The following TBC1D9 variants were observed in gnomAD, a reference collection of about 807,000 sequenced individuals.
TBC1D9 encodes TBC1 domain family member 9.
In TBC1D9, 63 loss-of-function variants were observed where a neutral mutation model predicts 132.0. That is an observed-to-expected ratio of 0.48 (90% CI 0.39 to 0.59). TBC1D9 has a LOEUF of 0.59. Among genes scored for constraint, TBC1D9 ranks in the 20% least tolerant of loss-of-function variants. TBC1D9 has a pLI of 0.00. For missense variants in TBC1D9, 1,261 were observed against 1,592.7 expected (o/e 0.79, Z 3.54); for synonymous variants, 610 against 609.9 (o/e 1.00, Z 0.00).
chr4:140,738,926 A>G (rs1279510333), intron 1 of TBC1D9, among the ~76,000 whole-genome samples: 3 of 152,226 alleles, frequency 2.0e-5, no homozygotes, highest in South Asian at 4.1e-4. Context: ...ACAATGGCCA[A>G]TGACATCAAA....
At position 140,624,182 on chromosome 4, in the gene TBC1D9, C is replaced by G. The variant is rs1341201122; in HGVS notation, c.3012G>C (p.Leu1004Phe). ...RANSQENRNY[L>F]RLWTPENKSK... is the part of the protein sequence containing the mutation. ...ATTTATTTTCTGGAGTCCACAGTCT[C>G]AAATAATTACGATTTTCTTGGGAAT... Residue 1004 changes from leucine (L) to phenylalanine (F), a missense_variant, in exon 20 of 21, where the codon TTG becomes TTC. Physicochemically the swap from Leu to Phe is conservative, Grantham distance 22. Transcript: ENST00000442267. 6.2e-7 allele frequency: 1 copy of G among 1,612,140 alleles called. No individual in the cohort carries two copies. Among genetic ancestry groups the G allele is most frequent in the East Asian group, 2.2e-5 (1 of 44,852 alleles).
intron 2 of TBC1D9, among the ~76,000 whole-genome samples, chr4:140,696,294 T>TA (rs1233084856): frequency 7.9e-5 from 12 of 150,970 alleles, no homozygotes; most frequent in Non-Finnish European, 1.6e-4. Context: ...CCGTCTCTAC[T>TA]AAAAAAACAA....
At chr4:140,654,743 G>A (rs1391899627) in intron 13 of TBC1D9, among the ~76,000 whole-genome samples, 1 of 152,082 alleles carries the variant, frequency 6.6e-6, no homozygotes, top group Non-Finnish European at 1.5e-5. Flanking sequence ...TCCAATAGTG[G>A]AAACATAAAT....
rs760722433 is a variant in TBC1D9, at chr4:140,624,253, A to C, written c.2975-34T>G. On this transcript the variant is annotated intron_variant, in intron 19 of 20. Coordinates refer to ENST00000442267, the MANE Select transcript of TBC1D9 (RefSeq NM_015130.3). Reference sequence around the variant, plus strand: ...CAAATGTCAAGAAATAAGTGCTTACAGGCCAAAAAACAAGTGTACAACCAG... The same window carrying C: ...CAAATGTCAAGAAATAAGTGCTTACCGGCCAAAAAACAAGTGTACAACCAG... The C allele has an allele frequency of 8.7e-6, 14 of 1,610,494 alleles. No individual in the cohort carries two copies. The East Asian group carries it at 1.1e-4, about 13-fold the overall frequency.
intron 13 of TBC1D9, among the ~76,000 whole-genome samples, chr4:140,652,130 A>T (rs1472048395): frequency 6.6e-6 from 1 of 151,864 alleles, no homozygotes; most frequent in Non-Finnish European, 1.5e-5. Context: ...AGTTTCAGCT[A>T]CTTGGGAGGC....
At chr4:140,688,673 G>A (rs565777804) in intron 2 of TBC1D9, among the ~76,000 whole-genome samples, 1 of 152,030 alleles carries the variant, frequency 6.6e-6, no homozygotes, top group African/African-American at 2.4e-5. Context: ...TGTGGAGAGA[G>A]AGAGACTCCA....
intron 13 of TBC1D9, among the ~76,000 whole-genome samples, chr4:140,646,388 G>T (rs1201962445): frequency 6.6e-6 from 1 of 152,138 alleles, no homozygotes; most frequent in African/African-American, 2.4e-5. Context: ...TAACTGGCTA[G>T]GGATGCCAGA....
intron 13 of TBC1D9, among the ~76,000 whole-genome samples, chr4:140,645,696 C>T (rs373792197): frequency 1.3e-5 from 2 of 152,340 alleles, no homozygotes; most frequent in Admixed American, 6.5e-5. Flanking sequence ...CCTTCATGCT[C>T]TTTCCACCTT....
At chr4:140,668,773 A>G in intron 9 of TBC1D9, 144 bp downstream of exon 9, 1 of 852,994 alleles carries the variant, frequency 1.2e-6, no homozygotes, top group Non-Finnish European at 1.7e-6. Context: ...GAACTTCAAT[A>G]CTCTGGTGAG....
In TBC1D9 at chr4:140,621,807, A is replaced by T. The variant is rs2110958799; in HGVS notation, c.*388T>A. On this transcript the variant is annotated 3_prime_UTR_variant, in exon 21 of 21. Transcript: ENST00000442267. ...TTTCCTTACAGCTCTAATTTTATTT[A>T]AAAAGCCTGAATACACAAATGACTG... The T allele has an allele frequency of 6.3e-6, 1 of 157,818 alleles. No individual in the cohort carries two copies. Among genetic ancestry groups the T allele is most frequent in the African/African-American group, 2.4e-5 (1 of 41,804 alleles). 9.8% of individuals were successfully genotyped at this position (157,818 alleles called of 1,614,324 possible).
chr4:140,693,097 A>C (rs530089046), intron 2 of TBC1D9, among the ~76,000 whole-genome samples: 1 of 151,836 alleles, frequency 6.6e-6, no homozygotes, highest in African/African-American at 2.4e-5. Flanking sequence ...TCTGAAGTCT[A>C]TATATATGTA....
At chr4:140,662,148 G>T (rs1737371683) in intron 9 of TBC1D9, 41 bp from the exon 10 acceptor site, 1 of 1,534,864 alleles carries the variant, frequency 6.5e-7, no homozygotes, top group Non-Finnish European at 9.0e-7. Context: ...AAACGTGAGA[G>T]CTCTGCCTTT....
At chr4:140,643,538 G>A (rs1020581761) in intron 13 of TBC1D9, 3 of 875,104 alleles carry the variant, frequency 3.4e-6, no homozygotes, top group East Asian at 2.6e-5. Context: ...CGGCGGGCAC[G>A]TCACAGTCTG....
chr4:140,683,040 C>A lies in TBC1D9; in HGVS notation c.361-3197G>T, dbSNP rs570703935. 2.6e-5 allele frequency among the ~76,000 whole-genome samples: 4 copies of A among 152,188 alleles called. No homozygotes were observed. In the East Asian group the frequency reaches 5.8e-4, roughly 22 times the overall value. On this transcript the variant is annotated intron_variant, in intron 3 of 20. Transcript: ENST00000442267. ...TAGCTGGGATTACAGGCATGCACCA[C>A]CACGCCTGGCTAATTTTTTTGTATT... is the stretch of plus-strand genomic sequence containing the variant.
rs1282336448 is a variant in TBC1D9 at position 140,622,516 on chromosome 4, G to A, written c.3480C>T (p.Ser1160=). 4.3e-6 allele frequency: 7 copies of A among 1,613,942 alleles called. No homozygotes were observed. In the South Asian group the frequency reaches 5.5e-5, roughly 13 times the overall value. The change falls in exon 21 of 21, where the codon AGC becomes AGT. Residue 1160 remains serine (S), a synonymous_variant. Coordinates refer to ENST00000442267, the MANE Select transcript of TBC1D9 (RefSeq NM_015130.3). ...TCAGCACCGAGTATGAGGACATGGA[G>A]CTGTCGTCCTTGGTGTCGTCGTCAG... ...LISDDDTKDD[S]SMSSYSVLSA...
intron 2 of TBC1D9, among the ~76,000 whole-genome samples, chr4:140,687,136 G>A (rs2111025525): frequency 6.6e-6 from 1 of 151,606 alleles, no homozygotes; most frequent in Admixed American, 6.6e-5. Context: ...TAAACAATCA[G>A]CTTTATAGTA....
rs1362904155 is a variant in TBC1D9 at position 140,639,327 on chromosome 4, T to C, written c.2436+3A>G. On this transcript the variant is annotated splice_donor_region_variant and intron_variant, in intron 14 of 20. Transcript: ENST00000442267. ...GTTGCCTGCTACTTCTTAAAGGACT[T>C]ACCACGTTGCGTTTCGTAGTATCCT... is the stretch of plus-strand genomic sequence containing the variant. 5.6e-6 allele frequency: 9 copies of C among 1,607,312 alleles called. No homozygotes were observed. In the Admixed American group the frequency reaches 1.5e-4, roughly 27 times the overall value.
chr4:140,622,326 G>C lies in TBC1D9; in HGVS notation c.3670C>G (p.Pro1224Ala), dbSNP rs747905504. The change falls in exon 21 of 21, where the codon CCT (proline) becomes GCT (alanine). Residue 1224 changes from proline to alanine, a missense_variant. Transcript: ENST00000442267. The part of the protein sequence containing the change: ...EQFLASLLTE[P>A]ALVKYFDKPV... ...TTGTCAAAGTACTTGACCAGGGCAG[G>C]CTCAGTTAAGAGGGAGGCCAGGAAC... 3.7e-6 allele frequency: 6 copies of C among 1,613,794 alleles called. No homozygotes were observed. The highest frequency in any genetic ancestry group is 3.3e-4 in the Middle Eastern group (2 of 6,060).
intron 9 of TBC1D9, among the ~76,000 whole-genome samples, chr4:140,662,344 T>C (rs955021686): frequency 3.3e-5 from 5 of 152,034 alleles, no homozygotes; most frequent in Non-Finnish European, 7.4e-5. Context: ...TTTCCTAAGG[T>C]AGAGGTTCCC....
Sources: gnomAD v4.1 joint callset for allele counts (sites outside exome capture counted in the v4.1 genomes callset) on GRCh38, gnomAD v4.1.1 for gene constraint, MANE v1.5 for transcripts, NCBI Gene and HGNC (gene_info 2026-07-23, HGNC 2026-07-21) for gene names.